Variants in KAZN observed in about 807,000 individuals in gnomAD.
The protein encoded by KAZN is kazrin, periplakin interacting protein, also known as kazrin.
KAZN carries 40 observed loss-of-function variants against 87.4 expected under a neutral mutation model. The observed-to-expected ratio is 0.46, with a 90% CI of 0.36 to 0.60. KAZN has a LOEUF of 0.60. KAZN is among the 20% of genes least tolerant of loss of function. KAZN has a pLI of 0.00. For synonymous variants in KAZN, 466 were observed against 458.3 expected (o/e 1.02, Z -0.22); for missense variants, 898 against 1,073.9 (o/e 0.84, Z 2.29).
chr1:14,453,133 A>G (rs915859734), intron 2 of KAZN, among the ~76,000 whole-genome samples: 6 of 151,804 alleles, frequency 4.0e-5, no homozygotes, highest in Non-Finnish European at 5.9e-5. Context: ...TTTTTTGTAT[A>G]TTTAGTAGAG....
At chr1:14,211,794 T>C (rs1358396594) in intron 2 of KAZN, among the ~76,000 whole-genome samples, 4 of 152,222 alleles carry the variant, frequency 2.6e-5, no homozygotes, top group African/African-American at 9.6e-5. Context: ...TTTATCAGCT[T>C]ACCACTTGTT....
chr1:14,254,681 A>C (rs555934399), intron 2 of KAZN, among the ~76,000 whole-genome samples: 1 of 152,140 alleles, frequency 6.6e-6, no homozygotes, highest in Admixed American at 6.5e-5. Context: ...TTGCATTGCT[A>C]TAAAGAAATA....
intron 1 of KAZN, among the ~76,000 whole-genome samples, chr1:13,970,018 A>C (rs10803440): frequency 0.43 from 66,148 of 152,102 alleles, 14,802 homozygotes; most frequent in East Asian, 0.64. Flanking sequence ...CAAATGCAAA[A>C]CTTGGTTTAT....
chr1:14,040,592 T>A (rs1365682307), intron 1 of KAZN, among the ~76,000 whole-genome samples: 1 of 151,944 alleles, frequency 6.6e-6, no homozygotes, highest in Non-Finnish European at 1.5e-5. Context: ...TGAAACCCCA[T>A]CTCTACTAGA....
In KAZN at chr1:13,995,868, C is replaced by T. The variant is rs147990218; in HGVS notation, c.91+102112C>T. On this transcript the variant is annotated intron_variant, in intron 1 of 16. Coordinates refer to the KAZN transcript ENST00000636203. Reference sequence around the variant, plus strand: ...CCAGATTTTTTTTCTGCTAAGCTCACCATTGTTTTGGCTTTGAAGCTCAAC... The same window carrying T: ...CCAGATTTTTTTTCTGCTAAGCTCATCATTGTTTTGGCTTTGAAGCTCAAC... Among the ~76,000 whole-genome samples the T allele has an allele frequency of 3.1e-3, 479 of 152,278 alleles. 1 individual carries two copies. The highest frequency in any genetic ancestry group is 6.8e-3 in the Middle Eastern group (2 of 294).
intron 1 of KAZN, among the ~76,000 whole-genome samples, chr1:14,132,309 A>T (rs1024495531): frequency 1.3e-5 from 2 of 152,162 alleles, no homozygotes; most frequent in Non-Finnish European, 2.9e-5. Context: ...GGCTTCAGAT[A>T]AAGGCCTGAG....
intron 1 of KAZN, among the ~76,000 whole-genome samples, chr1:14,914,798 C>T (rs1557615587): frequency 6.6e-6 from 1 of 152,204 alleles, no homozygotes; most frequent in Non-Finnish European, 1.5e-5. Context: ...CCTGCTTAAC[C>T]TCTCTGAACC....
At chr1:14,105,056 T>TCA (rs1303466288) in intron 1 of KAZN, among the ~76,000 whole-genome samples, 6 of 152,210 alleles carry the variant, frequency 3.9e-5, no homozygotes, top group African/African-American at 1.4e-4. Flanking sequence ...ACTCTGTGTC[T>TCA]CAAGGGATAC....
In KAZN at chr1:14,838,320, A is replaced by G. The variant is rs549476543; in HGVS notation, c.227-122364A>G. Reference sequence around the variant, plus strand: ...TCACATTGATAAGTTTCAACATATGAAATTTAAGATCATAGCAGCACGTCT... The same window carrying G: ...TCACATTGATAAGTTTCAACATATGGAATTTAAGATCATAGCAGCACGTCT... On this transcript the variant is annotated intron_variant, in intron 1 of 14. Transcript: ENST00000376030. Among the ~76,000 whole-genome samples, 4 of 152,304 alleles carry G rather than the reference A, an allele frequency of 2.6e-5. No individual in the cohort carries two copies. In the South Asian group the frequency reaches 8.3e-4, roughly 32 times the overall value.
chr1:14,818,142 T>G (rs942406152), intron 1 of KAZN, among the ~76,000 whole-genome samples: 6 of 152,248 alleles, frequency 3.9e-5, no homozygotes, highest in African/African-American at 1.4e-4. Context: ...CTGGGCAAAC[T>G]GTTTGAGCGA....
At chr1:14,664,444 G>C (rs1298430183) in intron 1 of KAZN, among the ~76,000 whole-genome samples, 4 of 152,148 alleles carry the variant, frequency 2.6e-5, no homozygotes, top group African/African-American at 7.2e-5. Context: ...AAAGGAAGTA[G>C]AATGGCGGTT....
chr1:15,088,846 G>C (rs1012312571), intron 8 of KAZN, among the ~76,000 whole-genome samples: 7 of 151,886 alleles, frequency 4.6e-5, no homozygotes, highest in African/African-American at 1.7e-4. Flanking sequence ...TGTGGTTTGC[G>C]CACATGAACC....
intron 1 of KAZN, among the ~76,000 whole-genome samples, chr1:14,883,299 AG>A (rs1369081934): frequency 0.028 from 1,447 of 51,696 alleles, 105 homozygotes; most frequent in African/African-American, 0.067. Context: ...CCATCTCAAA[AG>A]AAAGAAAGAA....
intron 1 of KAZN, among the ~76,000 whole-genome samples, chr1:14,837,595 C>T (rs980362988): frequency 6.7e-6 from 1 of 149,552 alleles, no homozygotes; most frequent in Non-Finnish European, 1.5e-5. Context: ...CTCTGTCACC[C>T]AGGCTGGAGT....
At chr1:14,418,184 T>TAA (rs1422068255) in intron 2 of KAZN, among the ~76,000 whole-genome samples, 1 of 152,058 alleles carries the variant, frequency 6.6e-6, no homozygotes, top group Non-Finnish European at 1.5e-5. Context: ...TAGATCTTAC[T>TAA]AAAGGTAGTG....
chr1:14,173,348 G>A (rs1645996568), intron 1 of KAZN, among the ~76,000 whole-genome samples: 1 of 152,172 alleles, frequency 6.6e-6, no homozygotes, highest in South Asian at 2.1e-4. Context: ...GTCTGTGGCT[G>A]AATCCTGTGC....
chr1:14,585,075 A>C, intron 2 of KAZN, among the ~76,000 whole-genome samples: 1 of 152,190 alleles, frequency 6.6e-6, no homozygotes, highest in East Asian at 1.9e-4. Context: ...TGTGCATGGG[A>C]GGATACAGGG....
At chr1:14,200,083 T>C (rs1646607673) in intron 2 of KAZN, among the ~76,000 whole-genome samples, 1 of 152,144 alleles carries the variant, frequency 6.6e-6, no homozygotes, top group Non-Finnish European at 1.5e-5. Context: ...ATATCCTATG[T>C]AGTCTTGTTT....
chr1:14,148,782 T>C (rs975240796), intron 1 of KAZN, among the ~76,000 whole-genome samples: 7 of 152,308 alleles, frequency 4.6e-5, no homozygotes, highest in East Asian at 3.9e-4. Flanking sequence ...CCAACCATTA[T>C]GCTTGACTCC....
Sources: allele counts gnomAD v4.1 joint callset (sites outside exome capture counted in the v4.1 genomes callset), GRCh38; gene constraint gnomAD v4.1.1; transcripts MANE v1.5; gene names NCBI Gene and HGNC (gene_info 2026-07-23, HGNC 2026-07-21).